The following HIPK2 variants were observed in gnomAD, a reference collection of about 807,000 sequenced individuals.
HIPK2 encodes the protein homeodomain-interacting protein kinase 2.
Under a neutral mutation model 113.7 loss-of-function variants are expected in HIPK2, and 27 were observed. The ratio of observed to expected loss-of-function variants is 0.24; its 90% CI spans 0.17 to 0.33. The LOEUF (loss-of-function observed/expected upper bound fraction) is 0.33, where lower values mean the gene tolerates loss of function less well. HIPK2 is among the 10% of genes least tolerant of loss of function. The probability of loss-of-function intolerance (pLI) is 1.00; values close to 1 mark genes in which losing one functional copy is unlikely to be tolerated. For synonymous variants in HIPK2, 631 were observed against 642.2 expected (o/e 0.98, Z 0.26); for missense variants, 1,257 against 1,588.0 (o/e 0.79, Z 3.54).
At chr7:139,708,957 G>C (rs971613574) in intron 2 of HIPK2, among the ~76,000 whole-genome samples, 5 of 152,120 alleles carry the variant, frequency 3.3e-5, no homozygotes, top group Admixed American at 3.3e-4. Flanking sequence ...TGCAGTACCA[G>C]GGCAGTATAC....
intron 1 of HIPK2, among the ~76,000 whole-genome samples, chr7:139,719,640 A>T (rs1795349697): frequency 6.6e-6 from 1 of 152,046 alleles, no homozygotes; most frequent in African/African-American, 2.4e-5. Context: ...TAGCCATCTC[A>T]CCCTCTATCC....
At chr7:139,651,420 G>A (rs1801454024) in intron 2 of HIPK2, among the ~76,000 whole-genome samples, 1 of 152,164 alleles carries the variant, frequency 6.6e-6, no homozygotes, top group Admixed American at 6.5e-5. Flanking sequence ...CTAAAAGTTT[G>A]GATTTCCTGC....
chr7:139,629,132 T>C (rs1231757728), intron 4 of HIPK2, 93 bp from the exon 5 acceptor site: 1 of 973,396 alleles, frequency 1.0e-6, no homozygotes, highest in African/African-American at 1.6e-5. Context: ...ACAGAGGGTC[T>C]CTTTCCCACA....
chr7:139,740,187 T>C (rs1047351718), intron 1 of HIPK2, among the ~76,000 whole-genome samples: 1 of 152,208 alleles, frequency 6.6e-6, no homozygotes, highest in Admixed American at 6.5e-5. Flanking sequence ...CAGAAGGCCC[T>C]TCTGCAGAGA....
chr7:139,639,342 G>A (rs1800925184), intron 2 of HIPK2, among the ~76,000 whole-genome samples: 1 of 152,176 alleles, frequency 6.6e-6, no homozygotes. Context: ...AGCTCATTCT[G>A]ACAGTCATTC....
intron 2 of HIPK2, among the ~76,000 whole-genome samples, chr7:139,664,165 A>AAG (rs1801965473): frequency 1.4e-5 from 2 of 143,450 alleles, no homozygotes; most frequent in Non-Finnish European, 3.0e-5. Flanking sequence ...AACCAACCAA[A>AAG]TATCTCATGT....
At chr7:139,668,669 G>C (rs911908052) in intron 2 of HIPK2, among the ~76,000 whole-genome samples, 2 of 152,040 alleles carry the variant, frequency 1.3e-5, no homozygotes, top group Non-Finnish European at 2.9e-5. Context: ...AGTTTGATTA[G>C]AAAAAATTAA....
At chr7:139,703,258 C>T (rs992791088) in intron 2 of HIPK2, among the ~76,000 whole-genome samples, 4 of 152,172 alleles carry the variant, frequency 2.6e-5, no homozygotes, top group African/African-American at 9.7e-5. Context: ...ACCACCACCA[C>T]ACTGAGAATA....
At chr7:139,650,815 G>C (rs540597236) in intron 2 of HIPK2, among the ~76,000 whole-genome samples, 9 of 152,376 alleles carry the variant, frequency 5.9e-5, no homozygotes, top group Non-Finnish European at 8.8e-5. Flanking sequence ...CCAACAGCCA[G>C]CTCTGGCTTG....
chr7:139,673,101 C>CTT (rs10701208), intron 2 of HIPK2, among the ~76,000 whole-genome samples: 74,500 of 143,508 alleles, frequency 0.52, 19,983 homozygotes, highest in Non-Finnish European at 0.61. Flanking sequence ...GTGGTTAGAA[C>CTT]TTTTTTTTTT....
Position 139,626,646 on chromosome 7 carries a change from G to C in HIPK2, c.1574C>G (p.Pro525Arg). Residue 525 changes from proline to arginine, a missense_variant, in exon 6 of 15, where the codon CCC becomes CGC. Physicochemically the swap from Pro to Arg is moderately radical, Grantham distance 103 (BLOSUM62 -2). Coordinates refer to ENST00000406875, the MANE Select transcript of HIPK2 (RefSeq NM_022740.5). ...GAGTAAGTGTGTCATGGTGACAAAG[G>C]GATGGTTCAGGGTTTCGATTGGAGT... ...RITPIETLNHPFVTMTHLLDF... is the reference protein window; with the variant it reads ...RITPIETLNHRFVTMTHLLDF... 1 of 1,613,942 alleles carries C rather than the reference G, an allele frequency of 6.2e-7. No individual in the cohort carries two copies. Among genetic ancestry groups the C allele is most frequent in the East Asian group, 2.2e-5 (1 of 44,886 alleles).
rs1801332270 is a variant in HIPK2 at position 139,648,621 on chromosome 7, A to G, written c.1104-16896T>C. On this transcript the variant is annotated intron_variant, in intron 2 of 14. Transcript: ENST00000406875. Reference sequence around the variant, plus strand: ...TGCACCTTCACGTCCGGTTAAAACGATTCTATTCTGCAAGCCAGAGCTTAG... The same window carrying G: ...TGCACCTTCACGTCCGGTTAAAACGGTTCTATTCTGCAAGCCAGAGCTTAG... 5.3e-5 allele frequency among the ~76,000 whole-genome samples: 8 copies of G among 152,200 alleles called. No homozygotes were observed. The South Asian group carries it at 1.7e-3, about 32-fold the overall frequency.
intron 12 of HIPK2, among the ~76,000 whole-genome samples, chr7:139,594,446 T>C (rs1799128651): frequency 6.6e-6 from 1 of 152,164 alleles, no homozygotes; most frequent in Admixed American, 6.5e-5. Context: ...CAAGTAATCA[T>C]ATTTCCCCAC....
At chr7:139,623,517 C>A (rs372757469) in intron 6 of HIPK2, among the ~76,000 whole-genome samples, 2,710 of 72,612 alleles carry the variant, frequency 0.037, 155 homozygotes, top group African/African-American at 0.057. Context: ...GACTCTACTT[C>A]AAAAAAAAAA....
intron 2 of HIPK2, among the ~76,000 whole-genome samples, chr7:139,670,954 T>C (rs147703250): frequency 0.019 from 2,899 of 151,646 alleles, 109 homozygotes; most frequent in African/African-American, 0.067. Flanking sequence ...AGAGACAGGG[T>C]TTTGCCACGT....
intron 2 of HIPK2, among the ~76,000 whole-genome samples, chr7:139,663,694 GAAAC>G (rs1286018109): frequency 6.6e-6 from 1 of 152,146 alleles, no homozygotes; most frequent in Non-Finnish European, 1.5e-5. Flanking sequence ...TGAGACATTA[GAAAC>G]AAACAAACAA....
intron 1 of HIPK2, among the ~76,000 whole-genome samples, chr7:139,731,869 T>G (rs1403173511): frequency 6.6e-6 from 1 of 152,164 alleles, no homozygotes; most frequent in Non-Finnish European, 1.5e-5. Context: ...ATTGTTTCAT[T>G]CCCCTCAGTT....
At chr7:139,637,428 G>A (rs2116341267) in intron 2 of HIPK2, among the ~76,000 whole-genome samples, 1 of 152,328 alleles carries the variant, frequency 6.6e-6, no homozygotes, top group East Asian at 1.9e-4. Flanking sequence ...ATTTGCAAGA[G>A]TACCTGGAGC....
intron 2 of HIPK2, among the ~76,000 whole-genome samples, chr7:139,690,808 C>A (rs543173857): frequency 6.6e-6 from 1 of 152,314 alleles, no homozygotes; most frequent in East Asian, 1.9e-4. Context: ...GTGGCCCTTA[C>A]CAGATGCAGA....
Sources: allele counts gnomAD v4.1 joint callset (sites outside exome capture counted in the v4.1 genomes callset), GRCh38; gene constraint gnomAD v4.1.1; transcripts MANE v1.5; gene names NCBI Gene and HGNC (gene_info 2026-07-23, HGNC 2026-07-21).